Variants in CDH18 observed in about 807,000 individuals in gnomAD.
The protein encoded by CDH18 is cadherin 18, also known as cadherin-18.
In CDH18, 31 loss-of-function variants were observed where a neutral mutation model predicts 67.9. That is an observed-to-expected ratio of 0.46 (90% CI 0.34 to 0.62). The LOEUF is 0.62. Among genes scored for constraint, CDH18 ranks in the 20% least tolerant of loss-of-function variants. The pLI, the probability that CDH18 is intolerant of heterozygous loss-of-function variation, is 0.01. For synonymous variants in CDH18, 362 were observed against 347.2 expected, an observed-to-expected ratio of 1.04 and a Z score of -0.48; for missense variants, 890 against 975.5, an observed-to-expected ratio of 0.91 and a Z score of 1.17.
At chr5:19,849,143 G>A (rs1429010884) in intron 2 of CDH18, among the ~76,000 whole-genome samples, 1 of 151,946 alleles carries the variant, frequency 6.6e-6, no homozygotes, top group Non-Finnish European at 1.5e-5. Context: ...TATTCATAAT[G>A]GATTTGAAAG....
At chr5:19,809,601 G>A (rs545998265) in intron 3 of CDH18, among the ~76,000 whole-genome samples, 45 of 152,034 alleles carry the variant, frequency 3.0e-4, no homozygotes, top group Admixed American at 5.2e-4. Flanking sequence ...AGGAGTTCTT[G>A]GTAAAAAAAG....
chr5:19,684,308 T>G (rs7729557), intron 5 of CDH18, among the ~76,000 whole-genome samples: 84,390 of 151,390 alleles, frequency 0.56, 26,636 homozygotes, highest in East Asian at 0.74. Flanking sequence ...AGCATTTAAT[T>G]TATACATTTT....
chr5:19,849,058 A>G (rs1312861522), intron 2 of CDH18, among the ~76,000 whole-genome samples: 1 of 151,908 alleles, frequency 6.6e-6, no homozygotes. Context: ...AAAGTCTCAG[A>G]AAAGGTAGGA....
chr5:20,420,652 C>T (rs1485292901), intron 1 of CDH18, among the ~76,000 whole-genome samples: 1 of 151,074 alleles, frequency 6.6e-6, no homozygotes, highest in East Asian at 1.9e-4. Context: ...GTATTTTGCC[C>T]TAGTCCTAAC....
intron 2 of CDH18, among the ~76,000 whole-genome samples, chr5:20,251,196 G>T (rs1331350236): frequency 6.6e-6 from 1 of 152,028 alleles, no homozygotes; most frequent in East Asian, 1.9e-4. Context: ...TAGGGATGGT[G>T]CTGTAAAATT....
intron 2 of CDH18, among the ~76,000 whole-genome samples, chr5:20,181,544 C>T (rs973494967): frequency 4.6e-5 from 7 of 152,158 alleles, no homozygotes; most frequent in Admixed American, 4.6e-4. Context: ...CCCAGATGAT[C>T]CCCTGAATCA....
At chr5:19,497,099 A>C (rs1202561535) in intron 11 of CDH18, among the ~76,000 whole-genome samples, 3 of 152,120 alleles carry the variant, frequency 2.0e-5, no homozygotes, top group Non-Finnish European at 4.4e-5. Flanking sequence ...CATGTGTTCC[A>C]GTCCTGTCTC....
chr5:20,172,202 A>ATATG (rs1554098692), intron 2 of CDH18, among the ~76,000 whole-genome samples: 1 of 46,050 alleles, frequency 2.2e-5, no homozygotes, highest in African/African-American at 1.3e-4. Flanking sequence ...ATATATATAT[A>ATATG]TATATATATA....
intron 5 of CDH18, among the ~76,000 whole-genome samples, chr5:19,710,856 T>C (rs902461453): frequency 2.0e-5 from 3 of 152,052 alleles, no homozygotes; most frequent in Admixed American, 6.6e-5. Flanking sequence ...TGGTTCTTCA[T>C]ACAAGGCTAT....
chr5:20,140,110 C>G (rs1368098211), intron 2 of CDH18, among the ~76,000 whole-genome samples: 1 of 152,116 alleles, frequency 6.6e-6, no homozygotes, highest in Non-Finnish European at 1.5e-5. Context: ...AAATGTGGCA[C>G]ATATACACTA....
intron 5 of CDH18, among the ~76,000 whole-genome samples, chr5:19,701,689 T>C (rs1225513859): frequency 6.6e-6 from 1 of 151,998 alleles, no homozygotes. Flanking sequence ...GAGATAAAAT[T>C]GATTTATGAC....
At chr5:19,639,965 T>A (rs1052265102) in intron 5 of CDH18, among the ~76,000 whole-genome samples, 4 of 152,148 alleles carry the variant, frequency 2.6e-5, no homozygotes, top group Admixed American at 1.3e-4. Context: ...AGTGAGATAA[T>A]ATATGCAAAA....
intron 1 of CDH18, among the ~76,000 whole-genome samples, chr5:20,448,226 A>T (rs894741615): frequency 2.0e-5 from 3 of 151,684 alleles, no homozygotes; most frequent in Admixed American, 2.0e-4. Context: ...AAAGGACATG[A>T]ATTCATCATT....
chr5:19,494,317 A>T (rs1741944267), intron 11 of CDH18, among the ~76,000 whole-genome samples: 1 of 152,084 alleles, frequency 6.6e-6, no homozygotes, highest in Non-Finnish European at 1.5e-5. Flanking sequence ...TTTCATCTCT[A>T]TGTACACTGA....
intron 2 of CDH18, among the ~76,000 whole-genome samples, chr5:20,197,650 A>T (rs113104173): frequency 6.6e-6 from 1 of 152,138 alleles, no homozygotes; most frequent in African/African-American, 2.4e-5. Context: ...CAGAGTCCTG[A>T]AATTTTGGCA....
chr5:19,723,418 T>A (rs1196935386), intron 4 of CDH18, among the ~76,000 whole-genome samples: 14 of 152,198 alleles, frequency 9.2e-5, no homozygotes, highest in Admixed American at 8.5e-4. Context: ...TAAATATGTA[T>A]AATATATTAA....
chr5:20,171,228 A>G (rs1025533662), intron 2 of CDH18, among the ~76,000 whole-genome samples: 3 of 152,122 alleles, frequency 2.0e-5, no homozygotes, highest in African/African-American at 7.2e-5. Context: ...CTTTGGGTAC[A>G]TACTCAATAA....
intron 5 of CDH18, among the ~76,000 whole-genome samples, chr5:19,625,934 A>T (rs1458053339): frequency 6.6e-6 from 1 of 151,654 alleles, no homozygotes; most frequent in Non-Finnish European, 1.5e-5. Context: ...CTTCCTTTTC[A>T]CTCAATAAAG....
chr5:20,318,512 C>T (rs890458357), intron 1 of CDH18, among the ~76,000 whole-genome samples: 1 of 152,032 alleles, frequency 6.6e-6, no homozygotes, highest in East Asian at 1.9e-4. Flanking sequence ...TGGTTTAGTA[C>T]CATGCCCTGT....
Sources: allele counts gnomAD v4.1 joint callset (sites outside exome capture counted in the v4.1 genomes callset), GRCh38; gene constraint gnomAD v4.1.1; transcripts MANE v1.5; gene names NCBI Gene and HGNC (gene_info 2026-07-23, HGNC 2026-07-21).